The following NLRP5 variants were observed in gnomAD, a reference collection of about 807,000 sequenced individuals.
NLRP5 encodes NLR family pyrin domain containing 5.
NLRP5 carries 93 observed loss-of-function variants against 113.1 expected under a neutral mutation model. The observed-to-expected ratio is 0.82, with a 90% CI of 0.70 to 0.98. The LOEUF (loss-of-function observed/expected upper bound fraction) is 0.98, where lower values mean the gene tolerates loss of function less well. Among genes scored for constraint, NLRP5 ranks in the 50% least tolerant of loss-of-function variants. The probability of loss-of-function intolerance (pLI) is 0.00; values close to 1 mark genes in which losing one functional copy is unlikely to be tolerated. For synonymous variants in NLRP5, 751 were observed against 600.7 expected (o/e 1.25, Z -3.66); for missense variants, 1,808 against 1,514.3 (o/e 1.19, Z -3.22).
intron 7 of NLRP5, among the ~76,000 whole-genome samples, chr19:56,032,398 G>A (rs937705560): frequency 6.6e-6 from 1 of 151,272 alleles, no homozygotes; most frequent in Non-Finnish European, 1.5e-5. Flanking sequence ...AGTCATGCCT[G>A]CATACCCCCT....
chr19:55,993,183 A>G, the NLRP5 span, among the ~76,000 whole-genome samples: 1 of 151,770 alleles, frequency 6.6e-6, no homozygotes, highest in Admixed American at 6.6e-5. Flanking sequence ...ACAATGTATC[A>G]TGATCAAATC....
chr19:56,020,964 C>T (rs1025327906), intron 6 of NLRP5, among the ~76,000 whole-genome samples: 1 of 151,462 alleles, frequency 6.6e-6, no homozygotes. Context: ...ACCTCTGCCT[C>T]CCAGGTTCAA....
At chr19:56,033,205 C>T (rs1017382689) in intron 8 of NLRP5, among the ~76,000 whole-genome samples, 8 of 152,032 alleles carry the variant, frequency 5.3e-5, no homozygotes, top group Non-Finnish European at 7.4e-5. Context: ...GAGCCAAGAT[C>T]GCACCACGGC....
intron 7 of NLRP5, among the ~76,000 whole-genome samples, chr19:56,030,749 C>G (rs562554545): frequency 2.8e-4 from 18 of 64,100 alleles, no homozygotes; most frequent in Non-Finnish European, 3.7e-4. Context: ...GAGTCTTGCT[C>G]GGTCACCCAG....
chr19:56,023,129 G>T (rs1267100236), intron 6 of NLRP5, among the ~76,000 whole-genome samples: 1 of 152,200 alleles, frequency 6.6e-6, no homozygotes, highest in Non-Finnish European at 1.5e-5. Context: ...AAGCCCTCAC[G>T]AAGGAGAGGA....
At chr19:56,035,344 C>T (rs1983271104) in intron 9 of NLRP5, among the ~76,000 whole-genome samples, 1 of 152,210 alleles carries the variant, frequency 6.6e-6, no homozygotes, top group African/African-American at 2.4e-5. Flanking sequence ...GGGAACTGCA[C>T]TTTAAGAAGA....
Position 56,032,621 on chromosome 19 carries a change from A to G in NLRP5, c.2287A>G (p.Lys763Glu). 1.2e-6 allele frequency: 2 copies of G among 1,613,306 alleles called. No homozygotes were observed. The highest frequency in any genetic ancestry group is 1.7e-6 in the Non-Finnish European group (2 of 1,179,572). ...TCCCCCCTGACATAGGATGCGGGAT[A>G]AGACCCTCATTGAGGAGCAGTGGGA... Residue 763 changes from lysine (K) to glutamate (E), a missense_variant, in exon 8 of 15, where the codon AAG (lysine) becomes GAG (glutamate). Lys to Glu is a moderately conservative substitution (Grantham distance 56). Coordinates refer to ENST00000390649, the MANE Select transcript of NLRP5 (RefSeq NM_153447.4).
chr19:56,046,808 A>G (rs564714880), intron 11 of NLRP5, among the ~76,000 whole-genome samples: 10 of 152,332 alleles, frequency 6.6e-5, no homozygotes, highest in African/African-American at 2.2e-4. Flanking sequence ...CTGGGATCAC[A>G]GGCGTGAGCC....
At chr19:55,996,888 C>G (rs925573369), upstream of NLRP5, among the ~76,000 whole-genome samples, 1 of 152,150 alleles carries the variant, frequency 6.6e-6, no homozygotes, top group East Asian at 1.9e-4. Flanking sequence ...ATTTCTAGTT[C>G]TAGATCCCTG....
intron 7 of NLRP5, among the ~76,000 whole-genome samples, chr19:56,029,605 T>C (rs1459670616): frequency 6.6e-6 from 1 of 152,126 alleles, no homozygotes; most frequent in African/African-American, 2.4e-5. Context: ...TGATGCTTGC[T>C]GAATAGTGCA....
rs778715526 is a variant in NLRP5 at position 56,034,841 on chromosome 19, G to A, written c.2615+1132G>A. ...ACGTTGGTTGGTTGGTTGGTTGGTC[G>A]GTCCCAGTTTGTGGCTCTTACTGTG... On this transcript the variant is annotated intron_variant, in intron 9 of 14. Transcript: ENST00000390649. Among the ~76,000 whole-genome samples, 22 of 152,132 alleles carry A rather than the reference G, an allele frequency of 1.4e-4. 2 individuals carry two copies. Among genetic ancestry groups the A allele is most frequent in the Admixed American group, 9.8e-4 (15 of 15,264 alleles).
the NLRP5 span, among the ~76,000 whole-genome samples, chr19:55,990,675 A>T: frequency 6.6e-6 from 1 of 152,024 alleles, no homozygotes; most frequent in Non-Finnish European, 1.5e-5. Context: ...AAATACAAAA[A>T]TTAGCCGGGC....
intron 12 of NLRP5, among the ~76,000 whole-genome samples, chr19:56,051,094 T>C (rs1267620112): frequency 6.6e-6 from 1 of 152,158 alleles, no homozygotes; most frequent in African/African-American, 2.4e-5. Context: ...TCTTCTGGGG[T>C]TCTCTTGTTC....
At chr19:56,002,921 A>C (rs1375369821) in intron 1 of NLRP5, among the ~76,000 whole-genome samples, 1 of 152,134 alleles carries the variant, frequency 6.6e-6, no homozygotes, top group Non-Finnish European at 1.5e-5. Context: ...TGCCGCTATA[A>C]ACTAGAATGG....
chr19:56,005,847 C>T (rs1405719791), intron 2 of NLRP5, among the ~76,000 whole-genome samples: 1 of 152,160 alleles, frequency 6.6e-6, no homozygotes, highest in Non-Finnish European at 1.5e-5. Flanking sequence ...TGTCATGTCC[C>T]CACCATCTGA....
At chr19:56,022,956 C>A (rs886287879) in intron 6 of NLRP5, among the ~76,000 whole-genome samples, 1 of 152,094 alleles carries the variant, frequency 6.6e-6, no homozygotes, top group Non-Finnish European at 1.5e-5. Context: ...GAACTCTCAA[C>A]CTCAGGTGAT....
chr19:56,058,321 A>C lies in NLRP5; in HGVS notation c.3381A>C (p.Leu1127=). 1 of 1,613,880 alleles carries C rather than the reference A, an allele frequency of 6.2e-7. No individual in the cohort carries two copies. Among genetic ancestry groups the C allele is most frequent in the Non-Finnish European group, 8.5e-7 (1 of 1,179,786 alleles). Residue 1127 remains leucine, a synonymous_variant, in exon 14 of 15, where the codon CTA becomes CTC. Coordinates refer to ENST00000390649, the MANE Select transcript of NLRP5 (RefSeq NM_153447.4). Reference sequence around the variant, plus strand: ...CCTGCAACCGGCATCTGACCAGTCTAAACCTGGTGCAGAATAACTTCAGTC... The same window carrying C: ...CCTGCAACCGGCATCTGACCAGTCTCAACCTGGTGCAGAATAACTTCAGTC...
intron 6 of NLRP5, among the ~76,000 whole-genome samples, chr19:56,023,670 A>G (rs550660068): frequency 5.9e-5 from 9 of 152,332 alleles, no homozygotes; most frequent in African/African-American, 2.2e-4. Context: ...TAAGCAGCCT[A>G]GAGATGACTT....
intron 2 of NLRP5, among the ~76,000 whole-genome samples, chr19:56,007,017 G>A (rs1241418905): frequency 1.3e-5 from 2 of 150,736 alleles, no homozygotes; most frequent in East Asian, 4.0e-4. Context: ...GGGATTACAG[G>A]TGTGAGCCAC....
Sources: allele counts gnomAD v4.1 joint callset (sites outside exome capture counted in the v4.1 genomes callset), GRCh38; gene constraint gnomAD v4.1.1; transcripts MANE v1.5; gene names NCBI Gene and HGNC (gene_info 2026-07-23, HGNC 2026-07-21).